Variants in COL4A4 observed in about 807,000 individuals in gnomAD.
The protein encoded by COL4A4 is collagen alpha-4(IV) chain.
In COL4A4, 105 loss-of-function variants were observed where a neutral mutation model predicts 192.9. The ratio of observed to expected loss-of-function variants is 0.54; its 90% CI spans 0.46 to 0.64. The LOEUF is 0.64. COL4A4 is among the 30% of genes least tolerant of loss of function. The pLI is 0.00. For missense variants in COL4A4, 1,967 were observed against 2,169.3 expected (o/e 0.91, Z 1.85); for synonymous variants, 762 against 769.9 (o/e 0.99, Z 0.17).
At chr2:227,150,550 A>G (rs928369915) in intron 1 of COL4A4, among the ~76,000 whole-genome samples, 2 of 152,182 alleles carry the variant, frequency 1.3e-5, no homozygotes, top group South Asian at 2.1e-4. Context: ...GTATTAGTCC[A>G]TTCTCAAGCT....
chr2:227,042,013 A>G (rs992777853), intron 37 of COL4A4, 135 bp downstream of exon 37: 34 of 735,428 alleles, frequency 4.6e-5, no homozygotes, highest in Admixed American at 2.9e-4. Context: ...AAGAGTAGGA[A>G]GATGCTAATG....
At position 227,006,359 on chromosome 2, in the gene COL4A4, G is replaced by A. The variant is rs1469672445; in HGVS notation, c.*966C>T. On this transcript the variant is annotated 3_prime_UTR_variant, in exon 48 of 48. Coordinates refer to ENST00000396625, the MANE Select transcript of COL4A4 (RefSeq NM_000092.5). ...GGGAGGGGAGTGAGATGCTTTGTAT[G>A]AAGCGCGTGCCTGCCTGAGTGAGCC... 1 of 152,654 alleles carries A rather than the reference G, an allele frequency of 6.6e-6. No homozygotes were observed. Among genetic ancestry groups the A allele is most frequent in the African/African-American group, 2.4e-5 (1 of 41,442 alleles). 9.5% of individuals were successfully genotyped at this position (152,654 alleles called of 1,614,324 possible). A position where few individuals can be genotyped will look rare whatever the true frequency, so the allele number is the denominator to read the frequency against.
At chr2:227,062,403 A>G (rs533499303) in intron 26 of COL4A4, 127 bp downstream of exon 26, 38 of 707,558 alleles carry the variant, frequency 5.4e-5, no homozygotes, top group Middle Eastern at 3.2e-4. Context: ...TCCCCTATCC[A>G]TGGTCCCTCA....
intron 25 of COL4A4, among the ~76,000 whole-genome samples, chr2:227,075,025 A>C (rs2058944406): frequency 6.6e-6 from 1 of 152,088 alleles, no homozygotes; most frequent in Non-Finnish European, 1.5e-5. Context: ...CCTACCAACC[A>C]AAAAAAGCCC....
intron 1 of COL4A4, among the ~76,000 whole-genome samples, chr2:227,148,417 T>G (rs1397637043): frequency 6.6e-6 from 1 of 152,236 alleles, no homozygotes; most frequent in Non-Finnish European, 1.5e-5. Flanking sequence ...TGATTCTATG[T>G]ATATAAAAAG....
At chr2:227,044,151 C>T (rs1299450287) in intron 35 of COL4A4, among the ~76,000 whole-genome samples, 1 of 152,202 alleles carries the variant, frequency 6.6e-6, no homozygotes, top group African/African-American at 2.4e-5. Context: ...CTGACTCACA[C>T]CACCATATGG....
chr2:227,020,662 G>A (rs1268264120), intron 44 of COL4A4, among the ~76,000 whole-genome samples: 1 of 151,702 alleles, frequency 6.6e-6, no homozygotes, highest in Non-Finnish European at 1.5e-5. Context: ...AAATCATAGT[G>A]GGGCAGTGAG....
At chr2:227,031,688 A>T (rs1406278951) in intron 40 of COL4A4, among the ~76,000 whole-genome samples, 1 of 152,302 alleles carries the variant, frequency 6.6e-6, no homozygotes, top group Non-Finnish European at 1.5e-5. Flanking sequence ...CTTGCTTATC[A>T]GTTTCTAGCC....
chr2:227,096,958 CAAT>C (rs1330198192), intron 19 of COL4A4, among the ~76,000 whole-genome samples: 1 of 152,060 alleles, frequency 6.6e-6, no homozygotes, highest in African/African-American at 2.4e-5. Context: ...TAGATATTAA[CAAT>C]AATATCTATC....
chr2:227,127,435 G>C (rs986546795), intron 4 of COL4A4, among the ~76,000 whole-genome samples: 3 of 152,252 alleles, frequency 2.0e-5, no homozygotes, highest in Non-Finnish European at 4.4e-5. Flanking sequence ...AAGGAGATGA[G>C]AGCAGACACA....
chr2:226,981,946 T>G, the COL4A4 span, among the ~76,000 whole-genome samples: 1 of 152,234 alleles, frequency 6.6e-6, no homozygotes, highest in Non-Finnish European at 1.5e-5. Context: ...GCCCTCATGG[T>G]CCAAGTTATC....
At chr2:227,049,081 T>C (rs994795629) in intron 34 of COL4A4, among the ~76,000 whole-genome samples, 1 of 152,214 alleles carries the variant, frequency 6.6e-6, no homozygotes, top group African/African-American at 2.4e-5. Flanking sequence ...AACCTGTGAA[T>C]TTACAGCTAG....
chr2:226,986,658 G>A, the COL4A4 span, among the ~76,000 whole-genome samples: 3,788 of 152,264 alleles, frequency 0.025, 63 homozygotes, highest in Non-Finnish European at 0.039. Flanking sequence ...TTAGAATAGC[G>A]ATCACTAAAA....
rs1443865759 is a variant in COL4A4 at position 227,004,442 on chromosome 2, A to G, written c.*2883T>C. The stretch of plus-strand genomic sequence containing the variant: ...TCGAACAGTCCCCACTGGACCTTTC[A>G]CCCCATAGGAAGTCATTTGGACTTC... On this transcript the variant is annotated 3_prime_UTR_variant, in exon 48 of 48. Coordinates refer to ENST00000396625, the MANE Select transcript of COL4A4 (RefSeq NM_000092.5). 6.6e-6 allele frequency: 1 copy of G among 152,206 alleles called. No individual in the cohort carries two copies. The highest frequency in any genetic ancestry group is 1.5e-5 in the Non-Finnish European group (1 of 68,032). 9.4% of individuals were successfully genotyped at this position (152,206 alleles called of 1,614,324 possible). A position where few individuals can be genotyped will look rare whatever the true frequency, so the allele number is the denominator to read the frequency against.
chr2:227,000,857 G>A (rs182340858), downstream of COL4A4, among the ~76,000 whole-genome samples: 4 of 152,178 alleles, frequency 2.6e-5, no homozygotes, highest in African/African-American at 9.6e-5. Context: ...TATGTCTCAC[G>A]AGATCTGATG....
chr2:227,084,018 G>A (rs950014341), intron 22 of COL4A4, among the ~76,000 whole-genome samples: 1 of 152,156 alleles, frequency 6.6e-6, no homozygotes, highest in Admixed American at 6.5e-5. Context: ...CAATATCTCT[G>A]ATATCACTCT....
chr2:227,001,100 CTTTTTT>C (rs1193019703), downstream of COL4A4, among the ~76,000 whole-genome samples: 1 of 144,310 alleles, frequency 6.9e-6, no homozygotes, highest in African/African-American at 2.5e-5. Flanking sequence ...TTTCTTTTTT[CTTTTTT>C]TTTTTTGAGA....
At position 227,032,072 on chromosome 2, in the gene COL4A4, T is replaced by C; in HGVS notation, c.3707-17A>G. ...CTGAACTCCCTAAGAAGAGACATGT[T>C]CACATGTTATCCTCATTGCATTTGG... On this transcript the variant is annotated splice_polypyrimidine_tract_variant and intron_variant, in intron 39 of 47. Transcript: ENST00000396625. The C allele has an allele frequency of 6.2e-7, 1 of 1,613,218 alleles. No individual in the cohort carries two copies. Among genetic ancestry groups the C allele is most frequent in the Non-Finnish European group, 8.5e-7 (1 of 1,179,134 alleles).
chr2:227,002,187 AAAAAG>A (rs1961156865), downstream of COL4A4, among the ~76,000 whole-genome samples: 3 of 149,624 alleles, frequency 2.0e-5, no homozygotes, highest in South Asian at 2.1e-4. Flanking sequence ...AAAAAAAAAA[AAAAAG>A]GCCACAAAGC....
Sources: allele counts gnomAD v4.1 joint callset (sites outside exome capture counted in the v4.1 genomes callset), GRCh38; gene constraint gnomAD v4.1.1; transcripts MANE v1.5; gene names NCBI Gene and HGNC (gene_info 2026-07-23, HGNC 2026-07-21).